The following PRUNE2 variants were observed in gnomAD, a reference collection of about 807,000 sequenced individuals.
The protein encoded by PRUNE2 is protein prune homolog 2.
Under a neutral mutation model 252.0 loss-of-function variants are expected in PRUNE2, and 164 were observed. The ratio of observed to expected loss-of-function variants is 0.65; its 90% CI spans 0.57 to 0.74. The LOEUF (loss-of-function observed/expected upper bound fraction) is 0.74. Among genes scored for constraint, PRUNE2 ranks in the 30% least tolerant of loss-of-function variants. PRUNE2 has a pLI of 0.00. For missense variants in PRUNE2, 3,495 were observed against 3,711.0 expected (o/e 0.94, Z 1.51); for synonymous variants, 1,292 against 1,350.2 (o/e 0.96, Z 0.94).
intron 6 of PRUNE2, among the ~76,000 whole-genome samples, chr9:76,779,460 C>T (rs764918092): frequency 2.0e-5 from 3 of 152,154 alleles, no homozygotes; most frequent in Non-Finnish European, 4.4e-5. Context: ...TTATGGGATG[C>T]ACTTATGAAA....
intron 5 of PRUNE2, among the ~76,000 whole-genome samples, chr9:76,825,909 T>C (rs548332178): frequency 1.3e-5 from 2 of 152,352 alleles, no homozygotes; most frequent in South Asian, 2.1e-4. Flanking sequence ...TTCTCACTCA[T>C]TTCCTTCTCA....
chr9:76,733,573 T>A (rs976540362), intron 6 of PRUNE2: 12 of 152,028 alleles, frequency 7.9e-5, no homozygotes, highest in African/African-American at 1.7e-4. Context: ...TAATTTTTTT[T>A]TTTTTATTTT....
chr9:76,820,121 G>A (rs1444705928), intron 6 of PRUNE2, among the ~76,000 whole-genome samples: 9 of 152,160 alleles, frequency 5.9e-5, no homozygotes, highest in Admixed American at 5.2e-4. Flanking sequence ...AAATGAGACT[G>A]CAGTTATCTT....
chr9:76,638,805 C>T (rs1338449954), intron 12 of PRUNE2, among the ~76,000 whole-genome samples: 2 of 152,206 alleles, frequency 1.3e-5, no homozygotes, highest in South Asian at 4.1e-4. Context: ...CTCATCCACA[C>T]ACTCCAGTGA....
intron 9 of PRUNE2, among the ~76,000 whole-genome samples, chr9:76,659,777 A>G (rs1029443659): frequency 1.2e-4 from 18 of 152,058 alleles, no homozygotes; most frequent in African/African-American, 4.1e-4. Flanking sequence ...TAGATTTCAG[A>G]CTAGGGATAC....
intron 6 of PRUNE2, among the ~76,000 whole-genome samples, chr9:76,807,889 A>G (rs2057085409): frequency 6.6e-6 from 1 of 152,218 alleles, no homozygotes; most frequent in African/African-American, 2.4e-5. Flanking sequence ...ATTAGAAAGA[A>G]CTTACAGGCC....
intron 2 of PRUNE2, 23 bp from the exon 3 acceptor site, chr9:76,850,688 A>G: frequency 6.6e-7 from 1 of 1,514,944 alleles, no homozygotes; most frequent in Non-Finnish European, 9.2e-7. Flanking sequence ...AAGTTGACTG[A>G]ATTACTGAAA....
chr9:76,656,741 C>T (rs1246699930), intron 9 of PRUNE2, among the ~76,000 whole-genome samples: 3 of 152,180 alleles, frequency 2.0e-5, no homozygotes, highest in African/African-American at 4.8e-5. Context: ...CCTTCAAAAA[C>T]TCAGTGCTGC....
chr9:76,779,040 G>A (rs748844953), intron 6 of PRUNE2: 5 of 152,124 alleles, frequency 3.3e-5, no homozygotes, highest in Non-Finnish European at 7.3e-5. Flanking sequence ...TTTCTCCAGT[G>A]ATTTTTTTAT....
intron 1 of PRUNE2, among the ~76,000 whole-genome samples, chr9:76,895,306 G>C (rs1263163016): frequency 1.3e-5 from 2 of 152,074 alleles, no homozygotes; most frequent in African/African-American, 4.8e-5. Context: ...AATGGGAGTG[G>C]GGCGCCAGGC....
Position 76,706,971 on chromosome 9 carries a change from G to C in PRUNE2, c.5303C>G (p.Thr1768Ser). Reference sequence around the variant, plus strand: ...TTCAGTCTCCGTTAATGGTGAGAAAGTCCAGGGATCAGGGCTGCTTTGTTG... The same window carrying C: ...TTCAGTCTCCGTTAATGGTGAGAAACTCCAGGGATCAGGGCTGCTTTGTTG... Reference protein sequence around the residue: ...DNQQSSPDPWTFSPLTETEMQ... With the variant: ...DNQQSSPDPWSFSPLTETEMQ... Residue 1768 changes from threonine (T) to serine (S), a missense_variant, in exon 8 of 19, where the codon ACT (threonine) becomes AGT (serine). Thr to Ser is a moderately conservative substitution (Grantham distance 58). Coordinates refer to ENST00000376718, the MANE Select transcript of PRUNE2 (RefSeq NM_015225.3). 1.9e-6 allele frequency: 3 copies of C among 1,613,948 alleles called. No homozygotes were observed. Among genetic ancestry groups the C allele is most frequent in the Non-Finnish European group, 2.5e-6 (3 of 1,179,872 alleles).
intron 6 of PRUNE2, among the ~76,000 whole-genome samples, chr9:76,774,454 T>TTTTATTTATTTATTTATTTTTA (rs1284882050): frequency 5.5e-5 from 3 of 54,532 alleles, no homozygotes; most frequent in Non-Finnish European, 9.2e-5. Context: ...TCAACCCTTT[T>TTTTATTTATTTATTTATTTTTA]TTTTTTTTTT....
rs11432174 is a variant in PRUNE2 at position 76,660,781 on chromosome 9, C to CAA, written c.8277-5281_8277-5280dup. Among the ~76,000 whole-genome samples the CAA allele has an allele frequency of 4.9e-3, 494 of 100,994 alleles. 5 individuals are homozygous for CAA. Among genetic ancestry groups the CAA allele is most frequent in the African/African-American group, 0.01 (258 of 25,008 alleles). The allele number at this position is 100,994 out of a possible 152,430, so 66.3% of individuals were successfully genotyped here. A position where few individuals can be genotyped will look rare whatever the true frequency, so the allele number is the denominator to read the frequency against. On this transcript the variant is annotated intron_variant, in intron 9 of 18. Transcript: ENST00000376718. ...TGGGCAACAGAGCAAGACTCTGAAT[C>CAA]AAAAAAAAAAAAAAAAAAAAGAAAG...
intron 9 of PRUNE2, among the ~76,000 whole-genome samples, chr9:76,669,405 C>T (rs545210336): frequency 2.6e-5 from 4 of 152,132 alleles, no homozygotes; most frequent in East Asian, 3.9e-4. Context: ...CTGCAACCTC[C>T]GCCTCCTGGG....
In PRUNE2 at chr9:76,706,446, G is replaced by A; in HGVS notation, c.5828C>T (p.Ser1943Phe). 6.2e-7 allele frequency: 1 copy of A among 1,613,954 alleles called. No homozygotes were observed. The part of the protein sequence containing the change: ...EKDSREQTFV[S>F]AAGDELTPET... Reference sequence around the variant, plus strand: ...AGGAGTCAGCTCATCACCAGCAGCAGACACAAAGGTTTGCTCTCTTGAGTC... The same window carrying A: ...AGGAGTCAGCTCATCACCAGCAGCAAACACAAAGGTTTGCTCTCTTGAGTC... Residue 1943 changes from serine (S) to phenylalanine (F), a missense_variant, in exon 8 of 19, where the codon TCT becomes TTT. Ser to Phe is a radical substitution (Grantham distance 155). Transcript: ENST00000376718.
At chr9:76,759,634 T>G (rs2051500790) in intron 6 of PRUNE2, 2 of 152,320 alleles carry the variant, frequency 1.3e-5, no homozygotes, top group Non-Finnish European at 2.9e-5. Flanking sequence ...CCATCCATCC[T>G]GCTGAAAGCC....
At chr9:76,620,197 T>C (rs1831590917) in intron 17 of PRUNE2, among the ~76,000 whole-genome samples, 1 of 151,252 alleles carries the variant, frequency 6.6e-6, no homozygotes, top group African/African-American at 2.4e-5. Flanking sequence ...TGAAGTGCAG[T>C]GGCACTATCT....
chr9:76,889,764 C>A (rs1430487975), intron 1 of PRUNE2, among the ~76,000 whole-genome samples: 1 of 152,186 alleles, frequency 6.6e-6, no homozygotes, highest in East Asian at 1.9e-4. Context: ...CACTGCAGGG[C>A]ACCTTCTCCC....
intron 15 of PRUNE2, among the ~76,000 whole-genome samples, chr9:76,634,845 T>A (rs7045505): frequency 0.05 from 7,624 of 152,318 alleles, 452 homozygotes; most frequent in East Asian, 0.16. Context: ...ACTATGCTAA[T>A]GTTTACCTTT....
Sources: allele counts gnomAD v4.1 joint callset (sites outside exome capture counted in the v4.1 genomes callset), GRCh38; gene constraint gnomAD v4.1.1; transcripts MANE v1.5; gene names NCBI Gene and HGNC (gene_info 2026-07-23, HGNC 2026-07-21).